Variants in CENPO observed in about 807,000 individuals in gnomAD.
The protein encoded by CENPO is centromere protein O.
A neutral mutation model predicts 36.1 loss-of-function variants in CENPO; 30 were observed. The observed-to-expected ratio is 0.83, with a 90% CI of 0.62 to 1.13. The LOEUF is 1.13. CENPO is among the 50% of genes most tolerant of loss of function. The pLI, the probability that CENPO is intolerant of heterozygous loss-of-function variation, is 0.00. For synonymous variants in CENPO, 171 were observed against 142.3 expected (o/e 1.20, Z -1.44); for missense variants, 349 against 357.8 (o/e 0.98, Z 0.20).
At position 24,821,586 on chromosome 2, in the gene CENPO, C is replaced by T. The variant is rs768423928; in HGVS notation, c.*2268C>T. On this transcript the variant is annotated 3_prime_UTR_variant, in exon 8 of 8. Coordinates refer to ENST00000380834, the MANE Select transcript of CENPO (RefSeq NM_001322101.2). ...GTGAGCGTATCCTTCATGGCCAGCG[C>T]GAAGTCGGCCAGGTCAGCCAGGTGC... is the stretch of plus-strand genomic sequence containing the variant. The T allele has an allele frequency of 8.1e-6, 13 of 1,614,030 alleles. No homozygotes were observed. The highest frequency in any genetic ancestry group is 2.7e-5 in the African/African-American group (2 of 74,926).
chr2:24,812,025 T>A (rs1666716755), intron 3 of CENPO, among the ~76,000 whole-genome samples: 1 of 152,244 alleles, frequency 6.6e-6, no homozygotes, highest in Non-Finnish European at 1.5e-5. Context: ...TTTTCAGTGC[T>A]CTTCATTTTC....
rs1393118130 is a variant in CENPO at position 24,799,687 on chromosome 2, A to T, written c.59A>T (p.His20Leu). ...DGESKGGVLA[H>L]LERLETQVSR... ...TTACTCTCCTTAGGTGTTTTAGCTC[A>T]CTTGGAAAGGCTAGAGACCCAAGTG... is the stretch of plus-strand genomic sequence containing the variant. The change falls in exon 3 of 8, where the codon CAC becomes CTC. Residue 20 changes from histidine to leucine, a missense_variant. Physicochemically the swap from His to Leu is moderately conservative, Grantham distance 99. Transcript: ENST00000380834. 1.2e-6 allele frequency: 2 copies of T among 1,613,008 alleles called. No individual in the cohort carries two copies. Among genetic ancestry groups the T allele is most frequent in the Non-Finnish European group, 1.7e-6 (2 of 1,179,560 alleles).
At position 24,816,747 on chromosome 2, in the gene CENPO, G is replaced by T. The variant is rs2278482; in HGVS notation, c.696G>T (p.Pro232=). 2 of 1,612,080 alleles carry T rather than the reference G, an allele frequency of 1.2e-6. No individual in the cohort carries two copies. The highest frequency in any genetic ancestry group is 1.7e-6 in the Non-Finnish European group (2 of 1,179,318). The part of the protein sequence containing the change: ...YKLDPGGQSF[P]FCARLLYKDL... ...TGGATCCAGGGGGTCAGTCCTTCCCGTTCTGTGCTAGATTGCTGTATAAGG... is the reference window on the plus strand; with the variant it reads ...TGGATCCAGGGGGTCAGTCCTTCCCTTTCTGTGCTAGATTGCTGTATAAGG... The change falls in exon 6 of 8, where the codon CCG becomes CCT. Residue 232 remains proline (P), a synonymous_variant. Transcript: ENST00000380834.
intron 2 of CENPO, among the ~76,000 whole-genome samples, chr2:24,796,334 A>G (rs1312542008): frequency 6.6e-6 from 1 of 152,182 alleles, no homozygotes; most frequent in Non-Finnish European, 1.5e-5. Context: ...AGCTTGGGCA[A>G]CAGAGTGAGA....
chr2:24,821,245 A>T lies in CENPO; in HGVS notation c.*1927A>T. 4.2e-6 allele frequency: 2 copies of T among 472,548 alleles called. No individual in the cohort carries two copies. Among genetic ancestry groups the T allele is most frequent in the South Asian group, 5.8e-5 (2 of 34,380 alleles). The allele number at this position is 472,548 out of a possible 1,614,324, so 29.3% of individuals were successfully genotyped here. ...GGCACAGCAACCCCTCTGGAAATGGATCACAAACTCACTTCTCAGCCAGGC... is the reference window on the plus strand; with the variant it reads ...GGCACAGCAACCCCTCTGGAAATGGTTCACAAACTCACTTCTCAGCCAGGC... On this transcript the variant is annotated 3_prime_UTR_variant, in exon 8 of 8. Coordinates refer to ENST00000380834, the MANE Select transcript of CENPO (RefSeq NM_001322101.2).
intron 2 of CENPO, among the ~76,000 whole-genome samples, chr2:24,794,935 C>CTAT (rs1226927979): frequency 6.6e-6 from 1 of 152,142 alleles, no homozygotes; most frequent in Non-Finnish European, 1.5e-5. Flanking sequence ...TTTGGTTATC[C>CTAT]TATTTTTCTC....
chr2:24,814,407 A>C lies in CENPO; in HGVS notation c.248A>C (p.Asn83Thr). The C allele has an allele frequency of 6.2e-7, 1 of 1,603,284 alleles. No individual in the cohort carries two copies. The highest frequency in any genetic ancestry group is 2.2e-5 in the East Asian group (1 of 44,858). The change falls in exon 4 of 8, where the codon AAC (asparagine) becomes ACC (threonine). Residue 83 changes from asparagine to threonine, a missense_variant. Physicochemically the swap from Asn to Thr is moderately conservative, Grantham distance 65. Transcript: ENST00000380834. ...GCATGTATTGCCAATGTAGAACCCAACCAAACAGTGGAGATCAATGAGCAA... is the reference window on the plus strand; with the variant it reads ...GCATGTATTGCCAATGTAGAACCCACCCAAACAGTGGAGATCAATGAGCAA... Reference protein sequence around the residue: ...VKACIANVEPNQTVEINEQEA... With the variant: ...VKACIANVEPTQTVEINEQEA...
intron 3 of CENPO, among the ~76,000 whole-genome samples, chr2:24,806,856 A>G (rs1029585553): frequency 3.9e-5 from 6 of 152,148 alleles, no homozygotes; most frequent in African/African-American, 1.4e-4. Context: ...TTCAGTCAGC[A>G]AGACCTATCA....
At chr2:24,815,024 G>A (rs891894166) in intron 4 of CENPO, among the ~76,000 whole-genome samples, 1 of 152,018 alleles carries the variant, frequency 6.6e-6, no homozygotes, top group African/African-American at 2.4e-5. Context: ...GATTACTTGA[G>A]TCCAGGAGTT....
At chr2:24,816,217 A>G (rs538652223) in intron 5 of CENPO, 1 of 185,440 alleles carries the variant, frequency 5.4e-6, no homozygotes, top group Admixed American at 5.6e-5. Context: ...AGGTTGGGTG[A>G]AAAAAGTAGA....
At chr2:24,811,981 C>T (rs1274187450) in intron 3 of CENPO, among the ~76,000 whole-genome samples, 1 of 152,162 alleles carries the variant, frequency 6.6e-6, no homozygotes, top group Non-Finnish European at 1.5e-5. Context: ...CACGTATAGT[C>T]AACATTCCTT....
intron 7 of CENPO, among the ~76,000 whole-genome samples, chr2:24,818,133 A>G (rs1303724377): frequency 7.6e-6 from 1 of 130,796 alleles, no homozygotes; most frequent in African/African-American, 3.0e-5. Context: ...ACTTATGGAA[A>G]AATATCAAAT....
At chr2:24,801,023 C>A (rs1388340023) in intron 3 of CENPO, among the ~76,000 whole-genome samples, 2 of 152,198 alleles carry the variant, frequency 1.3e-5, no homozygotes, top group African/African-American at 4.8e-5. Flanking sequence ...GCCATTCTAA[C>A]TGGTATGAGA....
chr2:24,815,783 C>T (rs775321967), intron 5 of CENPO, 27 bp downstream of exon 5: 7 of 1,607,702 alleles, frequency 4.4e-6, no homozygotes, highest in Non-Finnish European at 6.0e-6. Context: ...TTATATGCCT[C>T]ATCCGTGGGC....
At chr2:24,800,633 A>G (rs971632606) in intron 3 of CENPO, among the ~76,000 whole-genome samples, 7 of 151,990 alleles carry the variant, frequency 4.6e-5, no homozygotes, top group Non-Finnish European at 8.8e-5. Flanking sequence ...AGCTTCATCC[A>G]TGTCCCCACA....
At chr2:24,817,265 G>GA (rs1327514802) in intron 6 of CENPO, among the ~76,000 whole-genome samples, 1 of 152,188 alleles carries the variant, frequency 6.6e-6, no homozygotes, top group Non-Finnish European at 1.5e-5. Flanking sequence ...CTGGCTGAGA[G>GA]AGAGATTTTT....
chr2:24,821,056 C>CG lies in CENPO; in HGVS notation c.*1738_*1739insG, dbSNP rs1318104341. 6 of 648,316 alleles carry CG rather than the reference C, an allele frequency of 9.3e-6. No homozygotes were observed. The highest frequency in any genetic ancestry group is 9.2e-5 in the African/African-American group (5 of 54,174). 40.2% of individuals were successfully genotyped at this position (648,316 alleles called of 1,614,324 possible). On this transcript the variant is annotated 3_prime_UTR_variant, in exon 8 of 8. Transcript: ENST00000380834. ...TTAGGTGTCAGCCGCCACCCCCCCC[C>CG]CATATGCAGATTTACTCGGCATGGT...
intron 2 of CENPO, among the ~76,000 whole-genome samples, chr2:24,797,138 C>G (rs1313609203): frequency 6.6e-6 from 1 of 152,130 alleles, no homozygotes; most frequent in African/African-American, 2.4e-5. Flanking sequence ...GGTGGCATTG[C>G]AGATGGGGAA....
Position 24,816,647 on chromosome 2 carries a change from G to C in CENPO, c.596G>C (p.Ser199Thr). 6.2e-7 allele frequency: 1 copy of C among 1,604,082 alleles called. No homozygotes were observed. Among genetic ancestry groups the C allele is most frequent in the South Asian group, 1.1e-5 (1 of 88,946 alleles). Residue 199 changes from serine (S) to threonine (T), a missense_variant and splice_region_variant, in exon 6 of 8, where the codon AGT (serine) becomes ACT (threonine). Coordinates refer to ENST00000380834, the MANE Select transcript of CENPO (RefSeq NM_001322101.2). ...GRKYQADRLQ[S>T]DFAALLTGPL... ...CGTTTTGTTCCTCACCCCTCTTAGA[G>C]TGACTTTGCAGCCCTCCTGACTGGG... is the stretch of plus-strand genomic sequence containing the variant.
Sources: gnomAD v4.1 joint callset for allele counts (sites outside exome capture counted in the v4.1 genomes callset) on GRCh38, gnomAD v4.1.1 for gene constraint, MANE v1.5 for transcripts, NCBI Gene and HGNC (gene_info 2026-07-23, HGNC 2026-07-21) for gene names.